The following CADPS variants were observed in gnomAD, a reference collection of about 807,000 sequenced individuals.
CADPS encodes the protein calcium-dependent secretion activator 1.
In CADPS, 57 loss-of-function variants were observed where a neutral mutation model predicts 167.3. That is an observed-to-expected ratio of 0.34 (90% CI 0.28 to 0.42). The LOEUF (loss-of-function observed/expected upper bound fraction) is 0.42. Among genes scored for constraint, CADPS ranks in the 20% least tolerant of loss-of-function variants. CADPS has a pLI of 1.00. For missense variants in CADPS, 1,414 were observed against 1,738.1 expected, an observed-to-expected ratio of 0.81 and a Z score of 3.32; for synonymous variants, 676 against 635.3, an observed-to-expected ratio of 1.06 and a Z score of -0.96.
At chr3:62,615,563 T>C (rs1174316214) in intron 6 of CADPS, among the ~76,000 whole-genome samples, 1 of 152,172 alleles carries the variant, frequency 6.6e-6, no homozygotes, top group African/African-American at 2.4e-5. Context: ...CAAGAAGACT[T>C]GATTCATGAA....
intron 8 of CADPS, among the ~76,000 whole-genome samples, chr3:62,572,872 C>T (rs73104992): frequency 0.059 from 9,008 of 152,086 alleles, 400 homozygotes; most frequent in East Asian, 0.23. Context: ...TAAGCACATC[C>T]TCACATATAC....
chr3:62,590,429 G>C (rs141925660), intron 7 of CADPS, among the ~76,000 whole-genome samples: 1 of 152,330 alleles, frequency 6.6e-6, no homozygotes, highest in Non-Finnish European at 1.5e-5. Context: ...CCTAGGGACA[G>C]AAATGAGTAT....
chr3:62,501,886 A>AT (rs2065829364), intron 17 of CADPS, among the ~76,000 whole-genome samples: 1 of 152,258 alleles, frequency 6.6e-6, no homozygotes, highest in Admixed American at 6.5e-5. Context: ...ATGTGCATGC[A>AT]GCCATTCTAT....
chr3:62,764,015 AATAG>A (rs1480511476), intron 2 of CADPS, among the ~76,000 whole-genome samples: 1 of 152,192 alleles, frequency 6.6e-6, no homozygotes, highest in Non-Finnish European at 1.5e-5. Flanking sequence ...ACATTTAATT[AATAG>A]ATAGAAATGA....
Position 62,458,952 on chromosome 3 carries a change from G to C in CADPS, c.3636+6415C>G, listed in dbSNP as rs1409597590. ...ATCTTTTCTCTTCTGTAAAGCTTCT[G>C]AAGGGTTGCTTCAGACAGCAAGTGT... On this transcript the variant is annotated intron_variant, in intron 26 of 29. Coordinates refer to ENST00000383710, the MANE Select transcript of CADPS (RefSeq NM_003716.4). The surrounding 1 kb of genome is among the most constrained non-coding windows in gnomAD (Gnocchi z 4.6). Among the ~76,000 whole-genome samples, 1 of 152,172 alleles carries C rather than the reference G, an allele frequency of 6.6e-6. No homozygotes were observed. The highest frequency in any genetic ancestry group is 2.4e-5 in the African/African-American group (1 of 41,438).
chr3:62,413,746 A>AT (rs2049449948), intron 28 of CADPS, among the ~76,000 whole-genome samples: 2 of 152,200 alleles, frequency 1.3e-5, no homozygotes, highest in Admixed American at 6.5e-5. Flanking sequence ...AAGACAGTAC[A>AT]TTTTTTGTTA....
At chr3:62,860,702 T>C (rs760489780) in intron 1 of CADPS, among the ~76,000 whole-genome samples, 2 of 152,078 alleles carry the variant, frequency 1.3e-5, no homozygotes, top group Non-Finnish European at 2.9e-5. Flanking sequence ...TATTAACACA[T>C]AAAAGATAGA....
At chr3:62,662,077 A>G (rs945016907) in intron 4 of CADPS, among the ~76,000 whole-genome samples, 1 of 152,198 alleles carries the variant, frequency 6.6e-6, no homozygotes, top group African/African-American at 2.4e-5. Context: ...TCTGGAACTC[A>G]GAAGGAATGT....
intron 3 of CADPS, among the ~76,000 whole-genome samples, chr3:62,734,298 T>C (rs1327405797): frequency 6.6e-6 from 1 of 152,166 alleles, no homozygotes; most frequent in African/African-American, 2.4e-5. Flanking sequence ...GCAAGTCACA[T>C]GTGGCTCCTG....
chr3:62,614,022 G>T (rs1229620950), intron 6 of CADPS, among the ~76,000 whole-genome samples: 1 of 152,162 alleles, frequency 6.6e-6, no homozygotes, highest in African/African-American at 2.4e-5. Context: ...GCCTGCTACA[G>T]GGGAGGGCCT....
intron 6 of CADPS, among the ~76,000 whole-genome samples, chr3:62,604,195 A>G (rs1293577302): frequency 6.6e-6 from 1 of 152,072 alleles, no homozygotes; most frequent in Non-Finnish European, 1.5e-5. Flanking sequence ...TGATGCACTG[A>G]GTAAAAGAAA....
intron 3 of CADPS, among the ~76,000 whole-genome samples, chr3:62,729,157 TA>T (rs2077278110): frequency 1.3e-5 from 2 of 152,054 alleles, no homozygotes; most frequent in African/African-American, 4.8e-5. Context: ...CTGACTCCAC[TA>T]CCTGATTTAG....
intron 1 of CADPS, among the ~76,000 whole-genome samples, chr3:62,871,235 G>C (rs1244959565): frequency 6.6e-6 from 1 of 152,038 alleles, no homozygotes; most frequent in Non-Finnish European, 1.5e-5. Flanking sequence ...CTTCGGAAGT[G>C]TTCTTCCGAG....
At chr3:62,761,521 A>G (rs1367176269) in intron 2 of CADPS, among the ~76,000 whole-genome samples, 2 of 152,034 alleles carry the variant, frequency 1.3e-5, no homozygotes, top group South Asian at 2.1e-4. Context: ...CTTCTGCCAC[A>G]TATGACACTC....
intron 3 of CADPS, among the ~76,000 whole-genome samples, chr3:62,734,991 A>G (rs537887962): frequency 1.3e-5 from 2 of 152,342 alleles, no homozygotes; most frequent in East Asian, 1.9e-4. Flanking sequence ...ATAATATCCA[A>G]TAACTAAGAT....
chr3:62,454,896 A>T (rs950098881), intron 26 of CADPS, among the ~76,000 whole-genome samples: 11 of 152,160 alleles, frequency 7.2e-5, no homozygotes, highest in Admixed American at 7.2e-4. Context: ...CCTACAGCCC[A>T]TCCCACCATA....
At chr3:62,495,921 G>C (rs2064680572) in intron 18 of CADPS, among the ~76,000 whole-genome samples, 1 of 152,130 alleles carries the variant, frequency 6.6e-6, no homozygotes, top group African/African-American at 2.4e-5. Flanking sequence ...CTTTATCTTG[G>C]AATTTAAAAT....
Position 62,433,313 on chromosome 3 carries a change from C to T in CADPS, c.3777+4791G>A, listed in dbSNP as rs187586694. ...CTGCCACACAAACTGGACAAATACA[C>T]GATTTGAAAATGGAACAGCAAATTA... On this transcript the variant is annotated intron_variant, in intron 28 of 29. Coordinates refer to ENST00000383710, the MANE Select transcript of CADPS (RefSeq NM_003716.4). The surrounding 1 kb of genome is among the most constrained non-coding windows in gnomAD (Gnocchi z 4.7). Among the ~76,000 whole-genome samples, 456 of 152,202 alleles carry T rather than the reference C, an allele frequency of 3.0e-3. 3 individuals carry two copies. Among genetic ancestry groups the T allele is most frequent in the Non-Finnish European group, 2.8e-3 (193 of 68,018 alleles).
At chr3:62,415,278 C>T (rs1185312548) in intron 28 of CADPS, among the ~76,000 whole-genome samples, 2 of 152,134 alleles carry the variant, frequency 1.3e-5, no homozygotes, top group African/African-American at 2.4e-5. Flanking sequence ...TGCTCGGTGG[C>T]TGGGGAGGGG....
Sources: allele counts gnomAD v4.1 joint callset (sites outside exome capture counted in the v4.1 genomes callset), GRCh38; gene constraint gnomAD v4.1.1; non-coding constraint Gnocchi (gnomAD v3.1); transcripts MANE v1.5; gene names NCBI Gene and HGNC (gene_info 2026-07-23, HGNC 2026-07-21).